The following C3orf70 variants were observed in gnomAD, a reference collection of about 807,000 sequenced individuals.
C3orf70 encodes the protein chromosome 3 open reading frame 70, also known as UPF0524 protein C3orf70.
In C3orf70, 15 loss-of-function variants were observed where a neutral mutation model predicts 20.7. The observed-to-expected ratio is 0.72, with a 90% CI of 0.48 to 1.11. The LOEUF (loss-of-function observed/expected upper bound fraction) is 1.11. Among genes scored for constraint, C3orf70 ranks in the 50% most tolerant of loss-of-function variants. The probability of loss-of-function intolerance (pLI) is 0.00; values close to 1 mark genes in which losing one functional copy is unlikely to be tolerated. For missense variants in C3orf70, 332 were observed against 317.6 expected, an observed-to-expected ratio of 1.05 and a Z score of -0.34; for synonymous variants, 161 against 125.7, an observed-to-expected ratio of 1.28 and a Z score of -1.88.
Position 185,077,791 on chromosome 3 carries a change from G to GC in C3orf70, c.*5215_*5216insG, listed in dbSNP as rs66768941. ...AAATAAATGCTATTTGGTGGTGGTG[G>GC]GGGGGGGGTATCAAGTTTTATTTGC... is the stretch of plus-strand genomic sequence containing the variant. On this transcript the variant is annotated 3_prime_UTR_variant, in exon 2 of 2. Coordinates refer to ENST00000335012, the MANE Select transcript of C3orf70 (RefSeq NM_001025266.3). 4.1e-5 allele frequency among the ~76,000 whole-genome samples: 6 copies of GC among 147,074 alleles called. No individual in the cohort carries two copies. The highest frequency in any genetic ancestry group is 2.5e-4 in the South Asian group (1 of 3,938).
In C3orf70 at chr3:185,152,831, CCCT is replaced by C; in HGVS notation, c.-11_-9del. On this transcript the variant is annotated 5_prime_UTR_variant, in exon 1 of 2. Transcript: ENST00000335012. ...CGAGGCCGCCGCACTCATTTCCTCT[CCCT>C]CCGCGCGGAGCCGACACCGGGAGCC... The C allele has an allele frequency of 6.5e-7, 1 of 1,528,258 alleles. No homozygotes were observed. Among genetic ancestry groups the C allele is most frequent in the South Asian group, 1.2e-5 (1 of 82,818 alleles). The allele number at this position is 1,528,258 out of a possible 1,614,324, so 94.7% of individuals were successfully genotyped here.
At chr3:185,129,802 T>C (rs186194540) in intron 1 of C3orf70, among the ~76,000 whole-genome samples, 1 of 152,346 alleles carries the variant, frequency 6.6e-6, no homozygotes, top group East Asian at 1.9e-4. Context: ...AAAAGAAAAT[T>C]ATAACATGCT....
intron 1 of C3orf70, among the ~76,000 whole-genome samples, chr3:185,141,155 T>C (rs1716743448): frequency 6.6e-6 from 1 of 152,108 alleles, no homozygotes; most frequent in Non-Finnish European, 1.5e-5. Context: ...CAAACTTCTA[T>C]TGTTTATAAG....
intron 1 of C3orf70, among the ~76,000 whole-genome samples, chr3:185,122,142 T>C (rs561507522): frequency 6.7e-6 from 1 of 148,696 alleles, no homozygotes. Context: ...AAATATACTA[T>C]GCAAACATTA....
At position 185,095,109 on chromosome 3, in the gene C3orf70, CTTTCAT is replaced by C. The variant is rs954266363; in HGVS notation, c.197-11552_197-11547del. ...CAAATCTAAAGATGGTTCTTAATGT[CTTTCAT>C]TTTCATTACCATTATTATCTTTGAT... On this transcript the variant is annotated intron_variant, in intron 1 of 1. Coordinates refer to ENST00000335012, the MANE Select transcript of C3orf70 (RefSeq NM_001025266.3). 5.9e-5 allele frequency among the ~76,000 whole-genome samples: 9 copies of C among 152,268 alleles called. 1 individual carries two copies. The highest frequency in any genetic ancestry group is 2.2e-4 in the African/African-American group (9 of 41,552).
Position 185,082,934 on chromosome 3 carries a change from G to GA in C3orf70, c.*72dup. 2.0e-6 allele frequency: 3 copies of GA among 1,479,878 alleles called. No homozygotes were observed. The highest frequency in any genetic ancestry group is 2.8e-6 in the Non-Finnish European group (3 of 1,088,384). 91.7% of individuals were successfully genotyped at this position (1,479,878 alleles called of 1,614,324 possible). On this transcript the variant is annotated 3_prime_UTR_variant, in exon 2 of 2. Transcript: ENST00000335012. ...TGGGTAGAAAATATCAACAGCATTG[G>GA]AAAAAAGGATCCACCAGACAAAGGT...
Position 185,082,077 on chromosome 3 carries a change from T to A in C3orf70, c.*930A>T, listed in dbSNP as rs569410924. 6.6e-6 allele frequency: 1 copy of A among 152,292 alleles called. No homozygotes were observed. The highest frequency in any genetic ancestry group is 1.9e-4 in the East Asian group (1 of 5,186). 9.4% of individuals were successfully genotyped at this position (152,292 alleles called of 1,614,324 possible). A position where few individuals can be genotyped will look rare whatever the true frequency, so the allele number is the denominator to read the frequency against. On this transcript the variant is annotated 3_prime_UTR_variant, in exon 2 of 2. Coordinates refer to ENST00000335012, the MANE Select transcript of C3orf70 (RefSeq NM_001025266.3). ...ACCTATATAACTTCCTAAGAGTTTT[T>A]CCCAGACTTGAAGAACAATTAAAAG...
intron 1 of C3orf70, among the ~76,000 whole-genome samples, chr3:185,109,678 G>A (rs1279806813): frequency 2.0e-5 from 3 of 152,198 alleles, no homozygotes; most frequent in Non-Finnish European, 2.9e-5. Flanking sequence ...GGCTGACACA[G>A]AGAACAATTA....
At chr3:185,097,764 C>T (rs1214834208) in intron 1 of C3orf70, among the ~76,000 whole-genome samples, 5 of 152,202 alleles carry the variant, frequency 3.3e-5, no homozygotes, top group Non-Finnish European at 7.3e-5. Context: ...AAGGCAGAAA[C>T]AACCACGTGA....
chr3:185,095,517 T>G (rs1340684698), intron 1 of C3orf70, among the ~76,000 whole-genome samples: 1 of 152,098 alleles, frequency 6.6e-6, no homozygotes, highest in Non-Finnish European at 1.5e-5. Flanking sequence ...GGATGAAAAG[T>G]TCAGAAAATT....
chr3:185,086,469 A>G (rs1019650139), intron 1 of C3orf70, among the ~76,000 whole-genome samples: 10 of 152,258 alleles, frequency 6.6e-5, no homozygotes, highest in Middle Eastern at 3.4e-3. Context: ...GCCCTATGAG[A>G]AGAGGAAGAG....
chr3:185,128,526 G>GAA lies in C3orf70; in HGVS notation c.196+24100_196+24101dup, dbSNP rs779479424. On this transcript the variant is annotated intron_variant, in intron 1 of 1. Coordinates refer to ENST00000335012, the MANE Select transcript of C3orf70 (RefSeq NM_001025266.3). Reference sequence around the variant, plus strand: ...CTGGCTACAGAGCGAGACTGTTTCGGAAAAAAAAAAAAAACAACAAAACCC... The same window carrying GAA: ...CTGGCTACAGAGCGAGACTGTTTCGGAAAAAAAAAAAAAAAACAACAAAACCC... 2.5e-4 allele frequency among the ~76,000 whole-genome samples: 31 copies of GAA among 123,548 alleles called. No homozygotes were observed. In the South Asian group the frequency reaches 3.1e-3, roughly 12 times the overall value. The allele number at this position is 123,548 out of a possible 152,430, so 81.1% of individuals were successfully genotyped here.
At chr3:185,090,509 T>C (rs1715543620) in intron 1 of C3orf70, among the ~76,000 whole-genome samples, 1 of 152,160 alleles carries the variant, frequency 6.6e-6, no homozygotes, top group Non-Finnish European at 1.5e-5. Context: ...ATTTAAATAT[T>C]TGTGCAAGCA....
chr3:185,097,746 G>C (rs1715738910), intron 1 of C3orf70, among the ~76,000 whole-genome samples: 1 of 152,184 alleles, frequency 6.6e-6, no homozygotes, highest in South Asian at 2.1e-4. Context: ...AACGCATGTG[G>C]AACACAGAAG....
At chr3:185,098,679 C>A (rs1404472699) in intron 1 of C3orf70, among the ~76,000 whole-genome samples, 1 of 152,078 alleles carries the variant, frequency 6.6e-6, no homozygotes, top group Non-Finnish European at 1.5e-5. Context: ...CAAAACTACT[C>A]ATTTTACTGT....
chr3:185,117,926 C>T (rs1380259337), intron 1 of C3orf70, among the ~76,000 whole-genome samples: 2 of 152,170 alleles, frequency 1.3e-5, no homozygotes, highest in African/African-American at 2.4e-5. Flanking sequence ...CTTCAGTTGT[C>T]AGGTTTAGTG....
rs142104408 is a variant in C3orf70, at chr3:185,083,460, C to A, written c.300G>T (p.Ser100=). 1.2e-6 allele frequency: 2 copies of A among 1,614,036 alleles called. No individual in the cohort carries two copies. Among genetic ancestry groups the A allele is most frequent in the African/African-American group, 2.7e-5 (2 of 75,024 alleles). ...EPTNTIQISV[S]LTEHFLKFAS... ...CAAATTTCAAAAAGTGTTCGGTGAG[C>A]GAGACTGAGATCTGAATGGTGTTTG... Residue 100 remains serine, a synonymous_variant, in exon 2 of 2, where the codon TCG becomes TCT. Transcript: ENST00000335012.
intron 1 of C3orf70, among the ~76,000 whole-genome samples, chr3:185,132,866 C>G (rs953228035): frequency 1.3e-5 from 2 of 151,984 alleles, no homozygotes; most frequent in African/African-American, 4.8e-5. Context: ...ATCTTAAAGG[C>G]AGCTAGAGAA....
At chr3:185,085,634 A>T (rs772111606) in intron 1 of C3orf70, among the ~76,000 whole-genome samples, 1 of 151,198 alleles carries the variant, frequency 6.6e-6, no homozygotes, top group Non-Finnish European at 1.5e-5. Context: ...TTTAAAATAT[A>T]CCAGGCGTCT....
Sources: gnomAD v4.1 joint callset for allele counts (sites outside exome capture counted in the v4.1 genomes callset) on GRCh38, gnomAD v4.1.1 for gene constraint, MANE v1.5 for transcripts, NCBI Gene and HGNC (gene_info 2026-07-23, HGNC 2026-07-21) for gene names.